SREK1IP1: variants seen among roughly 807,000 people sequenced by gnomAD.
SREK1IP1 encodes protein SREK1IP1.
SREK1IP1 carries 12 observed loss-of-function variants against 22.8 expected under a neutral mutation model. The ratio of observed to expected loss-of-function variants is 0.53; its 90% CI spans 0.34 to 0.85. The LOEUF (loss-of-function observed/expected upper bound fraction) is 0.85, where lower values mean the gene tolerates loss of function less well. Among genes scored for constraint, SREK1IP1 ranks in the 40% least tolerant of loss-of-function variants. The pLI, the probability that SREK1IP1 is intolerant of heterozygous loss-of-function variation, is 0.02. For synonymous variants in SREK1IP1, 53 were observed against 52.7 expected, an observed-to-expected ratio of 1.01 and a Z score of -0.02; for missense variants, 147 against 171.8, an observed-to-expected ratio of 0.86 and a Z score of 0.81.
chr5:64,763,314 G>C (rs564506715), intron 1 of SREK1IP1, among the ~76,000 whole-genome samples: 1 of 152,116 alleles, frequency 6.6e-6, no homozygotes, highest in Non-Finnish European at 1.5e-5. Flanking sequence ...TGAGGCAGGC[G>C]GGTCACAGGG....
intron 2 of SREK1IP1, among the ~76,000 whole-genome samples, 180 bp downstream of exon 2, chr5:64,754,135 A>G (rs1019063422): frequency 1.3e-5 from 2 of 152,200 alleles, no homozygotes; most frequent in African/African-American, 4.8e-5. Context: ...CTGGGTCTAA[A>G]GCAGGGAAGA....
chr5:64,732,919 GAAA>G (rs747301015), intron 3 of SREK1IP1, among the ~76,000 whole-genome samples: 1 of 128,024 alleles, frequency 7.8e-6, no homozygotes. Context: ...ATTTTTTGGG[GAAA>G]AAAAAAAAAA....
intron 2 of SREK1IP1, among the ~76,000 whole-genome samples, chr5:64,742,927 A>G (rs989855146): frequency 6.6e-6 from 1 of 152,202 alleles, no homozygotes; most frequent in Non-Finnish European, 1.5e-5. Flanking sequence ...TGATTTCCTA[A>G]CAAATGAATC....
At chr5:64,758,665 C>G (rs1187991705) in intron 1 of SREK1IP1, among the ~76,000 whole-genome samples, 1 of 152,132 alleles carries the variant, frequency 6.6e-6, no homozygotes, top group Non-Finnish European at 1.5e-5. Context: ...ATTACTACAA[C>G]AGAATAAAAA....
chr5:64,730,218 T>C (rs1742353353), intron 3 of SREK1IP1, among the ~76,000 whole-genome samples: 2 of 152,080 alleles, frequency 1.3e-5, no homozygotes, highest in Admixed American at 1.3e-4. Flanking sequence ...AAATAGTACC[T>C]AAAGGCCAAG....
intron 1 of SREK1IP1, among the ~76,000 whole-genome samples, chr5:64,760,050 T>C (rs1251495870): frequency 1.3e-5 from 2 of 152,228 alleles, no homozygotes; most frequent in East Asian, 1.9e-4. Flanking sequence ...CACTATAGCA[T>C]TGTTTTTAAT....
intron 3 of SREK1IP1, among the ~76,000 whole-genome samples, chr5:64,734,704 T>TTC (rs34887318): frequency 0.45 from 68,826 of 151,700 alleles, 19,134 homozygotes; most frequent in African/African-American, 0.78. Context: ...AAATTTTAAC[T>TTC]TGATTGTTCA....
At chr5:64,758,708 G>A (rs10471640) in intron 1 of SREK1IP1, among the ~76,000 whole-genome samples, 49,645 of 152,046 alleles carry the variant, frequency 0.33, 8,468 homozygotes, top group East Asian at 0.51. Context: ...TCTTATCTCT[G>A]CATGTATTAG....
In SREK1IP1 at chr5:64,768,691, T is replaced by G; in HGVS notation, c.-174A>C. ...CTCTAGCGACGGCAGAACCAGTAGA[T>G]GCGGATGCAGTTTCCGGACGAGTCA... On this transcript the variant is annotated 5_prime_UTR_variant, in exon 1 of 5. Coordinates refer to ENST00000513458, the MANE Select transcript of SREK1IP1 (RefSeq NM_173829.4). 1.3e-6 allele frequency: 1 copy of G among 767,694 alleles called. No individual in the cohort carries two copies. The highest frequency in any genetic ancestry group is 1.6e-5 in the South Asian group (1 of 61,782). The allele number at this position is 767,694 out of a possible 1,614,324, so 47.6% of individuals were successfully genotyped here. A position where few individuals can be genotyped will look rare whatever the true frequency, so the allele number is the denominator to read the frequency against.
At position 64,741,078 on chromosome 5, in the gene SREK1IP1, A is replaced by G. The variant is rs61997180; in HGVS notation, c.184T>C (p.Leu62=). Residue 62 remains leucine, a synonymous_variant, in exon 3 of 5, where the codon TTG becomes CTG. Coordinates refer to ENST00000513458, the MANE Select transcript of SREK1IP1 (RefSeq NM_173829.4). ...TTACTTTTTTCCTGTAATGCCTGCA[A>G]TTTATTCAGTTCTTCATTCTCTTCA... ...SDEENEELNK[L]QALQEKRINE... The G allele has an allele frequency of 8.3e-3, 13,434 of 1,611,496 alleles. 97 individuals carry two copies. The highest frequency in any genetic ancestry group is 0.032 in the Middle Eastern group (180 of 5,546).
chr5:64,763,523 C>G (rs948665337), intron 1 of SREK1IP1, among the ~76,000 whole-genome samples: 2 of 151,188 alleles, frequency 1.3e-5, no homozygotes, highest in African/African-American at 4.9e-5. Flanking sequence ...GGCGACAGAG[C>G]GAGACTCCGT....
At chr5:64,733,330 A>T (rs1742408934) in intron 3 of SREK1IP1, among the ~76,000 whole-genome samples, 2 of 152,150 alleles carry the variant, frequency 1.3e-5, no homozygotes, top group Admixed American at 1.3e-4. Context: ...GAATATCAAC[A>T]TGTATAAAGA....
At chr5:64,736,822 AC>A (rs1171318389) in intron 3 of SREK1IP1, among the ~76,000 whole-genome samples, 2 of 150,738 alleles carry the variant, frequency 1.3e-5, no homozygotes, top group Non-Finnish European at 3.0e-5. Context: ...AGGAAAAAAA[AC>A]CTCTTCATTC....
intron 3 of SREK1IP1, among the ~76,000 whole-genome samples, chr5:64,740,693 T>A (rs1337952369): frequency 1.3e-5 from 2 of 152,160 alleles, no homozygotes; most frequent in Non-Finnish European, 2.9e-5. Flanking sequence ...ACAAGGCAGC[T>A]GAGCCTCAGG....
intron 2 of SREK1IP1, among the ~76,000 whole-genome samples, chr5:64,746,676 TCA>T (rs1340798219): frequency 6.6e-6 from 1 of 152,216 alleles, no homozygotes; most frequent in African/African-American, 2.4e-5. Context: ...TTGTTTCTAC[TCA>T]CAACGCTTCT....
At position 64,723,918 on chromosome 5, in the gene SREK1IP1, A is replaced by ATT. The variant is rs2112082979; in HGVS notation, c.*464_*465dup. On this transcript the variant is annotated 3_prime_UTR_variant, in exon 5 of 5. Coordinates refer to ENST00000513458, the MANE Select transcript of SREK1IP1 (RefSeq NM_173829.4). ...AAGAATTTCACTATCTTTAAAAGATATTATATTTTAGTACATAAAGCTATT... is the reference window on the plus strand; with the variant it reads ...AAGAATTTCACTATCTTTAAAAGATATTTTATATTTTAGTACATAAAGCTATT... 1 of 152,930 alleles carries ATT rather than the reference A, an allele frequency of 6.5e-6. No individual in the cohort carries two copies. Among genetic ancestry groups the ATT allele is most frequent in the South Asian group, 2.1e-4 (1 of 4,832 alleles). 9.5% of individuals were successfully genotyped at this position (152,930 alleles called of 1,614,324 possible). A position where few individuals can be genotyped will look rare whatever the true frequency, so the allele number is the denominator to read the frequency against.
chr5:64,748,765 A>T (rs1003375194), intron 2 of SREK1IP1, among the ~76,000 whole-genome samples: 2 of 152,212 alleles, frequency 1.3e-5, no homozygotes, highest in African/African-American at 4.8e-5. Context: ...CAGGAAACTG[A>T]AACACAGTGA....
intron 4 of SREK1IP1, among the ~76,000 whole-genome samples, chr5:64,726,115 C>T (rs986527613): frequency 1.3e-5 from 2 of 151,722 alleles, no homozygotes; most frequent in Non-Finnish European, 2.9e-5. Context: ...AGGTGATCGA[C>T]CCACCTTAGC....
intron 3 of SREK1IP1, among the ~76,000 whole-genome samples, chr5:64,734,247 T>C (rs950435743): frequency 1.3e-5 from 2 of 152,096 alleles, no homozygotes; most frequent in Non-Finnish European, 2.9e-5. Flanking sequence ...CATTGATCTA[T>C]CTTTACATCG....
Sources: gnomAD v4.1 joint callset for allele counts (sites outside exome capture counted in the v4.1 genomes callset) on GRCh38, gnomAD v4.1.1 for gene constraint, MANE v1.5 for transcripts, NCBI Gene and HGNC (gene_info 2026-07-23, HGNC 2026-07-21) for gene names.